KDM3B: variants seen among roughly 807,000 people sequenced by gnomAD.
The protein encoded by KDM3B is lysine demethylase 3B.
A neutral mutation model predicts 170.0 loss-of-function variants in KDM3B; 10 were observed. The ratio of observed to expected loss-of-function variants is 0.06; its 90% CI spans 0.04 to 0.10. The LOEUF (loss-of-function observed/expected upper bound fraction) is 0.10. Among genes scored for constraint, KDM3B ranks in the 10% least tolerant of loss-of-function variants. KDM3B has a pLI of 1.00. For synonymous variants in KDM3B, 831 were observed against 834.8 expected (o/e 1.00, Z 0.08); for missense variants, 1,394 against 2,195.2 (o/e 0.64, Z 7.29).
intron 14 of KDM3B, among the ~76,000 whole-genome samples, chr5:138,420,229 T>C (rs181168589): frequency 6.6e-6 from 1 of 152,308 alleles, no homozygotes; most frequent in African/African-American, 2.4e-5. Flanking sequence ...GGTTCTGTTA[T>C]GCAGCCAGGG....
At chr5:138,433,343 A>G (rs2127010902) in intron 23 of KDM3B, among the ~76,000 whole-genome samples, 1 of 145,754 alleles carries the variant, frequency 6.9e-6, no homozygotes, top group African/African-American at 2.6e-5. Flanking sequence ...TGAACTCCTG[A>G]CCTCATGATC....
At position 138,425,539 on chromosome 5, in the gene KDM3B, T is replaced by C. The variant is rs769448151; in HGVS notation, c.4368T>C (p.Asp1456=). The change falls in exon 17 of 24, where the codon GAT becomes GAC. Residue 1456 remains aspartate, a synonymous_variant. Coordinates refer to ENST00000314358, the MANE Select transcript of KDM3B (RefSeq NM_016604.4). ...GCAGGAACTGTGCTATAATTTCCGATGTGAAAGTTCGGGATTTCTGGGATG... is the reference window on the plus strand; with the variant it reads ...GCAGGAACTGTGCTATAATTTCCGACGTGAAAGTTCGGGATTTCTGGGATG... ...VNCRNCAIIS[D]VKVRDFWDGF... 4 of 1,614,026 alleles carry C rather than the reference T, an allele frequency of 2.5e-6. No homozygotes were observed. Among genetic ancestry groups the C allele is most frequent in the Non-Finnish European group, 3.4e-6 (4 of 1,180,020 alleles).
rs372250166 is a variant in KDM3B, at chr5:138,413,818, A to G, written c.3200-1314A>G. On this transcript the variant is annotated intron_variant, in intron 11 of 23. Transcript: ENST00000314358. The stretch of plus-strand genomic sequence containing the variant: ...TTGGCTAATTTTTAATTTTTTTACC[A>G]TGTTGCCCAGGCTGGTCTCAAGCTC... Among the ~76,000 whole-genome samples the G allele has an allele frequency of 4.1e-4, 63 of 151,858 alleles. No homozygotes were observed. The South Asian group carries it at 6.0e-3, about 15-fold the overall frequency.
At chr5:138,356,636 C>CTTTTTTTT (rs539401228) in intron 1 of KDM3B, among the ~76,000 whole-genome samples, 6 of 85,992 alleles carry the variant, frequency 7.0e-5, no homozygotes, top group Admixed American at 1.4e-4. Flanking sequence ...TGTCTCTTGA[C>CTTTTTTTT]TTTTTTTTTT....
At position 138,387,648 on chromosome 5, in the gene KDM3B, C is replaced by T. The variant is rs147678932; in HGVS notation, c.1380+1027C>T. ...GAGGGAGAGGAAATGTCCACACAGA[C>T]GAGGAGAAGGCCTGTAAATGCAAAT... On this transcript the variant is annotated intron_variant, in intron 7 of 23. Coordinates refer to ENST00000314358, the MANE Select transcript of KDM3B (RefSeq NM_016604.4). Among the ~76,000 whole-genome samples the T allele has an allele frequency of 8.7e-3, 1,324 of 152,146 alleles. 19 individuals carry two copies. Among genetic ancestry groups the T allele is most frequent in the African/African-American group, 0.029 (1,185 of 41,414 alleles).
At chr5:138,392,974 T>A (rs536576969) in intron 8 of KDM3B, among the ~76,000 whole-genome samples, 197 bp from the exon 9 acceptor site, 2 of 152,348 alleles carry the variant, frequency 1.3e-5, no homozygotes, top group African/African-American at 4.8e-5. Context: ...AAGTTCTGCA[T>A]GGTTCTTAGC....
intron 1 of KDM3B, among the ~76,000 whole-genome samples, chr5:138,367,718 TTA>T (rs1761776977): frequency 6.6e-6 from 1 of 152,152 alleles, no homozygotes; most frequent in South Asian, 2.1e-4. Flanking sequence ...AATCAGGCTT[TTA>T]AAAAATTATC....
chr5:138,359,541 A>C (rs1194558575), intron 1 of KDM3B, among the ~76,000 whole-genome samples: 1 of 147,944 alleles, frequency 6.8e-6, no homozygotes, highest in Non-Finnish European at 1.5e-5. Context: ...CCCTGGCCTT[A>C]AGTGATCCAC....
Position 138,427,077 on chromosome 5 carries a change from G to A in KDM3B, c.4502+12G>A. On this transcript the variant is annotated intron_variant, in intron 18 of 23. Transcript: ENST00000314358. ...ATGATGCCAACCAGGTTAGTGACCT[G>A]CAGTGGTGTCATCTTCAGAAGCCAT... 6.2e-6 allele frequency: 10 copies of A among 1,612,442 alleles called. No homozygotes were observed. The highest frequency in any genetic ancestry group is 8.5e-6 in the Non-Finnish European group (10 of 1,178,480).
intron 1 of KDM3B, among the ~76,000 whole-genome samples, chr5:138,361,339 CT>C (rs10715941): frequency 0.97 from 141,355 of 146,396 alleles, 68,357 homozygotes; most frequent in East Asian, 1. Context: ...GCTGAAACTC[CT>C]TTTTTTTTTT....
chr5:138,394,009 C>G (rs1325284625), intron 9 of KDM3B, among the ~76,000 whole-genome samples: 1 of 151,996 alleles, frequency 6.6e-6, no homozygotes, highest in Non-Finnish European at 1.5e-5. Context: ...GTGTGCCAAC[C>G]CTTGTTCTGG....
chr5:138,430,525 C>G, intron 22 of KDM3B, 100 bp downstream of exon 22: 4 of 1,043,494 alleles, frequency 3.8e-6, no homozygotes, highest in Non-Finnish European at 5.7e-6. Flanking sequence ...CTGGATTGGA[C>G]TGATCTCTCT....
chr5:138,401,563 AGTGCTACT>A (rs1339025702), intron 11 of KDM3B, among the ~76,000 whole-genome samples: 4 of 152,222 alleles, frequency 2.6e-5, no homozygotes, highest in African/African-American at 9.6e-5. Context: ...TATTATGAAT[AGTGCTACT>A]GTGAACATTT....
intron 11 of KDM3B, among the ~76,000 whole-genome samples, chr5:138,404,883 C>A (rs1046826617): frequency 6.6e-6 from 1 of 151,720 alleles, no homozygotes; most frequent in East Asian, 2.0e-4. Context: ...TGCCACCATG[C>A]CCTGCTAATT....
At chr5:138,370,492 A>G (rs1761845776) in intron 1 of KDM3B, among the ~76,000 whole-genome samples, 1 of 152,220 alleles carries the variant, frequency 6.6e-6, no homozygotes, top group Admixed American at 6.5e-5. Context: ...GAACATGTAT[A>G]CAAACAAAAA....
intron 12 of KDM3B, among the ~76,000 whole-genome samples, chr5:138,416,432 A>T (rs1481500149): frequency 6.6e-6 from 1 of 151,700 alleles, no homozygotes; most frequent in Non-Finnish European, 1.5e-5. Context: ...TCTACTAAAA[A>T]TATAAAGTTA....
At position 138,430,885 on chromosome 5, in the gene KDM3B, A is replaced by G. The variant is rs540425740; in HGVS notation, c.5070+460A>G. Among the ~76,000 whole-genome samples, 33 of 152,158 alleles carry G rather than the reference A, an allele frequency of 2.2e-4. No individual in the cohort carries two copies. The South Asian group carries it at 3.3e-3, about 15-fold the overall frequency. On this transcript the variant is annotated intron_variant, in intron 22 of 23. Transcript: ENST00000314358. ...AGCCTGGGCAACAAGAGCGAAACTC[A>G]GTCTCAAAAAAAAAAAATTTAAACA...
At position 138,392,276 on chromosome 5, in the gene KDM3B, G is replaced by A. The variant is rs760058682; in HGVS notation, c.2629+15G>A. ...CCCCCTGAAAGGTGATCCTGCTGGG[G>A]CTATATTTGGGCTTTGCTCTGGCAC... On this transcript the variant is annotated intron_variant, in intron 8 of 23. Coordinates refer to ENST00000314358, the MANE Select transcript of KDM3B (RefSeq NM_016604.4). The A allele has an allele frequency of 3.4e-6, 5 of 1,476,212 alleles. No individual in the cohort carries two copies. The African/African-American group carries it at 7.0e-5, about 21-fold the overall frequency. 91.4% of individuals were successfully genotyped at this position (1,476,212 alleles called of 1,614,324 possible). A position where few individuals can be genotyped will look rare whatever the true frequency, so the allele number is the denominator to read the frequency against.
intron 11 of KDM3B, among the ~76,000 whole-genome samples, chr5:138,410,017 G>A (rs1486098272): frequency 6.6e-6 from 1 of 152,130 alleles, no homozygotes; most frequent in Non-Finnish European, 1.5e-5. Context: ...AACCTGGGAG[G>A]CAGAGGTTGC....
Sources: allele counts gnomAD v4.1 joint callset (sites outside exome capture counted in the v4.1 genomes callset), GRCh38; gene constraint gnomAD v4.1.1; transcripts MANE v1.5; gene names NCBI Gene and HGNC (gene_info 2026-07-23, HGNC 2026-07-21).